MYO16: variants seen among roughly 807,000 people sequenced by gnomAD.
MYO16 encodes the protein unconventional myosin-XVI.
Under a neutral mutation model 205.3 loss-of-function variants are expected in MYO16, and 94 were observed. The observed-to-expected ratio is 0.46, with a 90% CI of 0.39 to 0.54. The LOEUF (loss-of-function observed/expected upper bound fraction) is 0.54. MYO16 is among the 20% of genes least tolerant of loss of function. The pLI is 0.00. For synonymous variants in MYO16, 988 were observed against 954.0 expected (o/e 1.04, Z -0.66); for missense variants, 2,315 against 2,387.5 (o/e 0.97, Z 0.63).
chr13:108,548,860 A>G, the MYO16 span, among the ~76,000 whole-genome samples: 2 of 151,978 alleles, frequency 1.3e-5, no homozygotes, highest in African/African-American at 4.8e-5. Flanking sequence ...AAATGAGAAA[A>G]CTCAATGAAT....
At chr13:108,863,780 G>C (rs1878571128) in intron 11 of MYO16, among the ~76,000 whole-genome samples, 1 of 152,010 alleles carries the variant, frequency 6.6e-6, no homozygotes. Context: ...CATCAATGTT[G>C]GGAAGAATTC....
intron 9 of MYO16, among the ~76,000 whole-genome samples, chr13:108,832,995 C>G (rs902143446): frequency 6.6e-6 from 1 of 152,088 alleles, no homozygotes; most frequent in African/African-American, 2.4e-5. Context: ...ATGATACATT[C>G]AGGGAGCATT....
upstream of MYO16, among the ~76,000 whole-genome samples, chr13:108,593,940 G>A (rs1878469326): frequency 6.6e-6 from 1 of 152,176 alleles, no homozygotes; most frequent in Non-Finnish European, 1.5e-5. Flanking sequence ...CTGGCCCATG[G>A]TGTTCCACTG....
chr13:109,185,432 G>A (rs185299740), intron 34 of MYO16, among the ~76,000 whole-genome samples: 18 of 152,004 alleles, frequency 1.2e-4, no homozygotes, highest in Admixed American at 1.0e-3. Context: ...ACTTGCTCTT[G>A]TTATTATGGT....
chr13:109,019,641 C>G, intron 22 of MYO16, 70 bp from the exon 23 acceptor site: 3 of 1,246,016 alleles, frequency 2.4e-6, no homozygotes, highest in Non-Finnish European at 3.4e-6. Flanking sequence ...AGCAAGCATG[C>G]TTGAATAATA....
intron 1 of MYO16, among the ~76,000 whole-genome samples, chr13:108,620,566 TA>T (rs1189600052): frequency 6.6e-6 from 1 of 152,158 alleles, no homozygotes; most frequent in Non-Finnish European, 1.5e-5. Flanking sequence ...CAACATTAGA[TA>T]AATTAAGGAA....
Position 109,180,353 on chromosome 13 carries a change from A to G in MYO16, c.5415+720A>G, listed in dbSNP as rs562949632. On this transcript the variant is annotated intron_variant, in intron 34 of 34. Transcript: ENST00000457511. ...ATGTTGAATTTTAAAATATACTTTA[A>G]ATAATTGTCTTTAAAATATATAATG... Among the ~76,000 whole-genome samples, 229 of 152,330 alleles carry G rather than the reference A, an allele frequency of 1.5e-3. 1 individual carries two copies. The highest frequency in any genetic ancestry group is 2.9e-3 in the Non-Finnish European group (200 of 68,028).
chr13:108,519,773 A>G, the MYO16 span, among the ~76,000 whole-genome samples: 1 of 152,138 alleles, frequency 6.6e-6, no homozygotes, highest in Non-Finnish European at 1.5e-5. Flanking sequence ...CATTTGTAGG[A>G]GTCAAAGTAA....
chr13:109,122,686 C>CAA (rs34459718), intron 29 of MYO16, among the ~76,000 whole-genome samples: 95 of 99,094 alleles, frequency 9.6e-4, no homozygotes, highest in Admixed American at 2.1e-3. Context: ...AACTCTGTCT[C>CAA]AAAAAAAAAA....
chr13:109,129,336 A>G (rs1301414406), intron 31 of MYO16, among the ~76,000 whole-genome samples: 1 of 152,014 alleles, frequency 6.6e-6, no homozygotes, highest in African/African-American at 2.4e-5. Context: ...TGATAAGGAC[A>G]ACAAGAAAAT....
chr13:109,029,888 T>G (rs1320843006), intron 23 of MYO16, among the ~76,000 whole-genome samples: 2 of 152,190 alleles, frequency 1.3e-5, no homozygotes, highest in Non-Finnish European at 2.9e-5. Context: ...ATCTTCTGCT[T>G]CTTCACATAT....
Position 108,910,030 on chromosome 13 carries a change from A to G in MYO16, c.1805A>G (p.Lys602Arg). 6.2e-7 allele frequency: 1 copy of G among 1,613,396 alleles called. No individual in the cohort carries two copies. Among genetic ancestry groups the G allele is most frequent in the Non-Finnish European group, 8.5e-7 (1 of 1,179,632 alleles). ...GARIYTYLLE[K>R]SRLVSQPLGQ... ...AGAATTTATACATATTTGCTAGAGA[A>G]ATCCAGACTTGTTTCACAACCTCTT... The change falls in exon 16 of 35, where the codon AAA (lysine) becomes AGA (arginine). Residue 602 changes from lysine to arginine, a missense_variant. Transcript: ENST00000457511.
chr13:108,538,682 C>T, the MYO16 span, among the ~76,000 whole-genome samples: 10 of 151,970 alleles, frequency 6.6e-5, no homozygotes, highest in African/African-American at 2.2e-4. Flanking sequence ...TCCTTGCCTC[C>T]CTCCAACTTC....
At chr13:109,102,504 GTGTGTA>G (rs758781607) in intron 28 of MYO16, among the ~76,000 whole-genome samples, 1,534 of 7,786 alleles carry the variant, frequency 0.2, 20 homozygotes, top group African/African-American at 0.25. Context: ...ATGTGTGTGT[GTGTGTA>G]TATATATATA....
At chr13:108,777,463 G>A (rs903932144) in intron 4 of MYO16, among the ~76,000 whole-genome samples, 18 of 152,314 alleles carry the variant, frequency 1.2e-4, no homozygotes, top group Non-Finnish European at 2.1e-4. Flanking sequence ...GACCCTCAGG[G>A]ATTGAAATGT....
the MYO16 span, among the ~76,000 whole-genome samples, chr13:108,511,206 G>T: frequency 7.4e-6 from 1 of 134,616 alleles, no homozygotes; most frequent in Non-Finnish European, 1.6e-5. Context: ...GTTTTGATTT[G>T]CATTTCTCTG....
At chr13:109,172,718 G>A (rs4976844) in intron 33 of MYO16, among the ~76,000 whole-genome samples, 54,784 of 152,080 alleles carry the variant, frequency 0.36, 11,826 homozygotes, top group Non-Finnish European at 0.49. Flanking sequence ...TTAGCAGAAA[G>A]TTAATACTCA....
chr13:108,964,187 A>T (rs964472090), intron 19 of MYO16, among the ~76,000 whole-genome samples: 6 of 152,124 alleles, frequency 3.9e-5, no homozygotes, highest in African/African-American at 1.4e-4. Context: ...CTCAATGCCA[A>T]ACCACCCTTG....
intron 22 of MYO16, among the ~76,000 whole-genome samples, chr13:109,016,641 T>G (rs1885828696): frequency 6.6e-6 from 1 of 152,178 alleles, no homozygotes; most frequent in South Asian, 2.1e-4. Context: ...ATCTAGGTGC[T>G]CTTGTAGTGG....
Sources: allele counts gnomAD v4.1 joint callset (sites outside exome capture counted in the v4.1 genomes callset), GRCh38; gene constraint gnomAD v4.1.1; transcripts MANE v1.5; gene names NCBI Gene and HGNC (gene_info 2026-07-23, HGNC 2026-07-21).